Variants in KALRN observed in about 807,000 individuals in gnomAD.
The protein encoded by KALRN is kalirin.
A neutral mutation model predicts 353.7 loss-of-function variants in KALRN; 70 were observed. That is an observed-to-expected ratio of 0.20 (90% CI 0.16 to 0.24). The LOEUF (loss-of-function observed/expected upper bound fraction) is 0.24, where lower values mean the gene tolerates loss of function less well. KALRN is among the 10% of genes least tolerant of loss of function. The probability of loss-of-function intolerance (pLI) is 1.00; values close to 1 mark genes in which losing one functional copy is unlikely to be tolerated. For synonymous variants in KALRN, 1,391 were observed against 1,434.8 expected, an observed-to-expected ratio of 0.97 and a Z score of 0.69; for missense variants, 2,791 against 3,756.7, an observed-to-expected ratio of 0.74 and a Z score of 6.72.
At chr3:124,702,580 A>G (rs1392461506) in intron 57 of KALRN, among the ~76,000 whole-genome samples, 1 of 152,180 alleles carries the variant, frequency 6.6e-6, no homozygotes, top group Non-Finnish European at 1.5e-5. Flanking sequence ...CAGAAAATCT[A>G]TATGGTACTG....
intron 1 of KALRN, among the ~76,000 whole-genome samples, chr3:124,209,252 C>T (rs1308404673): frequency 6.6e-6 from 1 of 151,904 alleles, no homozygotes; most frequent in Non-Finnish European, 1.5e-5. Context: ...CACCTGTAAT[C>T]CCAGCACTTT....
rs900082129 is a variant in KALRN, at chr3:124,293,291, T to C, written c.970-5500T>C. Among the ~76,000 whole-genome samples, 4 of 152,200 alleles carry C rather than the reference T, an allele frequency of 2.6e-5. No homozygotes were observed. In the East Asian group the frequency reaches 5.8e-4, roughly 22 times the overall value. ...ACCAATGTAATCTATAATTAGAGTA[T>C]AAAATACTAACAATAGATAATAAGG... On this transcript the variant is annotated intron_variant, in intron 5 of 59. Transcript: ENST00000682506.
intron 1 of KALRN, among the ~76,000 whole-genome samples, chr3:124,059,994 C>T (rs1376411839): frequency 6.6e-6 from 1 of 152,172 alleles, no homozygotes; most frequent in Non-Finnish European, 1.5e-5. Context: ...TTTCCAGGAG[C>T]AGTTTTGGTG....
intron 27 of KALRN, among the ~76,000 whole-genome samples, chr3:124,480,839 C>T (rs754758031): frequency 7.2e-5 from 11 of 152,192 alleles, no homozygotes; most frequent in Non-Finnish European, 1.5e-4. Context: ...TTTCACTTAG[C>T]ATAATGTTTT....
At chr3:124,328,517 T>C (rs903608586) in intron 7 of KALRN, among the ~76,000 whole-genome samples, 8 of 152,142 alleles carry the variant, frequency 5.3e-5, no homozygotes, top group African/African-American at 1.4e-4. Context: ...GCTCCCAGGG[T>C]CATTTGTAAA....
intron 1 of KALRN, among the ~76,000 whole-genome samples, chr3:124,157,937 C>G (rs1331133950): frequency 1.3e-5 from 2 of 152,174 alleles, no homozygotes; most frequent in African/African-American, 4.8e-5. Flanking sequence ...GGTCTGGGAC[C>G]TGTGGGAACC....
chr3:124,092,834 G>A (rs2061200637), intron 1 of KALRN, among the ~76,000 whole-genome samples: 1 of 152,214 alleles, frequency 6.6e-6, no homozygotes, highest in Admixed American at 6.5e-5. Flanking sequence ...TGATAGTTAT[G>A]AAAGTACTTT....
At chr3:124,095,537 T>C (rs1166484597) in intron 1 of KALRN, among the ~76,000 whole-genome samples, 2 of 152,152 alleles carry the variant, frequency 1.3e-5, no homozygotes, top group Non-Finnish European at 2.9e-5. Flanking sequence ...TTACTACCTA[T>C]CCTGAGGATA....
intron 10 of KALRN, among the ~76,000 whole-genome samples, chr3:124,371,188 A>G (rs1227842980): frequency 1.3e-5 from 2 of 152,218 alleles, no homozygotes; most frequent in Non-Finnish European, 2.9e-5. Context: ...CAGGTATGTT[A>G]TGACAAGTTA....
intron 1 of KALRN, among the ~76,000 whole-genome samples, chr3:124,135,620 G>T (rs1484050747): frequency 6.6e-6 from 1 of 152,158 alleles, no homozygotes; most frequent in African/African-American, 2.4e-5. Flanking sequence ...GGAAAGTCTG[G>T]TTCCAAGGGA....
At chr3:124,391,198 C>T (rs2089319774) in intron 11 of KALRN, among the ~76,000 whole-genome samples, 1 of 141,478 alleles carries the variant, frequency 7.1e-6, no homozygotes, top group African/African-American at 2.6e-5. Context: ...TCATAGTATA[C>T]ATATATTTTG....
intron 6 of KALRN, among the ~76,000 whole-genome samples, chr3:124,321,068 T>G (rs143617338): frequency 1.1e-4 from 16 of 152,244 alleles, no homozygotes; most frequent in East Asian, 9.6e-4. Flanking sequence ...AGAGTTAATG[T>G]CAATCTCCTG....
chr3:124,107,568 T>G (rs1390759399), intron 1 of KALRN, among the ~76,000 whole-genome samples: 1 of 152,120 alleles, frequency 6.6e-6, no homozygotes, highest in Non-Finnish European at 1.5e-5. Flanking sequence ...TTAACTCCCT[T>G]CTCCTTAACT....
At chr3:124,175,351 G>T in intron 1 of KALRN, among the ~76,000 whole-genome samples, 1 of 151,748 alleles carries the variant, frequency 6.6e-6, no homozygotes, top group East Asian at 1.9e-4. Context: ...GAGGGTCCAG[G>T]CCTGCTCTCC....
intron 57 of KALRN, 88 bp from the exon 58 acceptor site, chr3:124,712,847 C>T (rs964194590): frequency 1.2e-5 from 10 of 834,370 alleles, no homozygotes; most frequent in African/African-American, 3.4e-5. Context: ...TCTATCTGAC[C>T]ACTTCCCACA....
At chr3:124,596,700 C>T (rs2076296991) in intron 34 of KALRN, among the ~76,000 whole-genome samples, 1 of 152,168 alleles carries the variant, frequency 6.6e-6, no homozygotes, top group Admixed American at 6.5e-5. Context: ...ATGTAAATCA[C>T]TTGCACCTGG....
chr3:124,202,963 C>T (rs1049249249), intron 1 of KALRN, among the ~76,000 whole-genome samples: 1 of 152,172 alleles, frequency 6.6e-6, no homozygotes, highest in Non-Finnish European at 1.5e-5. Context: ...GCACTCTCCA[C>T]TCGCAGCTTT....
chr3:124,289,597 A>G lies in KALRN; in HGVS notation c.970-9194A>G, dbSNP rs546431561. ...TAAACCTCATTGTGTAGAGCCTGGC[A>G]TGTATTTATTCTTGTCAATTATCTG... On this transcript the variant is annotated intron_variant, in intron 5 of 59. Coordinates refer to ENST00000682506, the MANE Select transcript of KALRN (RefSeq NM_001388419.1). Among the ~76,000 whole-genome samples, 3 of 151,770 alleles carry G rather than the reference A, an allele frequency of 2.0e-5. No homozygotes were observed. The South Asian group carries it at 6.3e-4, about 32-fold the overall frequency.
chr3:124,041,314 C>T (rs2039948801), intron 1 of KALRN, among the ~76,000 whole-genome samples: 1 of 152,182 alleles, frequency 6.6e-6, no homozygotes, highest in Non-Finnish European at 1.5e-5. Context: ...CAACCCTTCC[C>T]TTATAGAGCT....
Sources: gnomAD v4.1 joint callset for allele counts (sites outside exome capture counted in the v4.1 genomes callset) on GRCh38, gnomAD v4.1.1 for gene constraint, MANE v1.5 for transcripts, NCBI Gene and HGNC (gene_info 2026-07-23, HGNC 2026-07-21) for gene names.